ARMC1: variants seen among roughly 807,000 people sequenced by gnomAD.
The protein encoded by ARMC1 is armadillo repeat-containing protein 1.
ARMC1 carries 16 observed loss-of-function variants against 31.4 expected under a neutral mutation model. The observed-to-expected ratio is 0.51, with a 90% CI of 0.34 to 0.77. The LOEUF (loss-of-function observed/expected upper bound fraction) is 0.77. Ranked by LOEUF, ARMC1 falls within the 30% of genes least tolerant of loss-of-function variation. The pLI, the probability that ARMC1 is intolerant of heterozygous loss-of-function variation, is 0.01. For missense variants in ARMC1, 259 were observed against 347.5 expected, an observed-to-expected ratio of 0.75 and a Z score of 2.02; for synonymous variants, 114 against 118.9, an observed-to-expected ratio of 0.96 and a Z score of 0.27.
chr8:65,610,111 T>C (rs1808099787), intron 4 of ARMC1, among the ~76,000 whole-genome samples: 1 of 138,730 alleles, frequency 7.2e-6, no homozygotes, highest in African/African-American at 2.6e-5. Flanking sequence ...AATTTTTTTG[T>C]GTGTGTGACG....
At chr8:65,612,017 G>T (rs532919380) in intron 4 of ARMC1, among the ~76,000 whole-genome samples, 1 of 152,008 alleles carries the variant, frequency 6.6e-6, no homozygotes, top group Non-Finnish European at 1.5e-5. Flanking sequence ...TGATCCATCC[G>T]CCTTGGCCTC....
At position 65,615,873 on chromosome 8, in the gene ARMC1, C is replaced by A. The variant is rs565508982; in HGVS notation, c.276-2440G>T. ...TCATGCCATTGCACTCCAGCGTGGG[C>A]AACAAGAGCAAGACTCCGTCACAAA... is the stretch of plus-strand genomic sequence containing the variant. On this transcript the variant is annotated intron_variant, in intron 3 of 6. Coordinates refer to ENST00000276569, the MANE Select transcript of ARMC1 (RefSeq NM_018120.6). 6.6e-5 allele frequency among the ~76,000 whole-genome samples: 10 copies of A among 151,086 alleles called. No homozygotes were observed. The South Asian group carries it at 2.1e-3, about 32-fold the overall frequency.
At chr8:65,629,393 AG>A (rs1202224622) in intron 1 of ARMC1, among the ~76,000 whole-genome samples, 5 of 152,192 alleles carry the variant, frequency 3.3e-5, no homozygotes, top group Admixed American at 3.3e-4. Context: ...TGGTGGTAAA[AG>A]GCTGGCAGAT....
chr8:65,631,890 A>G (rs1563422610), intron 1 of ARMC1, among the ~76,000 whole-genome samples: 1 of 148,930 alleles, frequency 6.7e-6, no homozygotes, highest in Non-Finnish European at 1.5e-5. Flanking sequence ...TCTTAAAAAA[A>G]AAAAAAAAAA....
At chr8:65,613,152 T>C (rs1808178268) in intron 4 of ARMC1, 92 bp downstream of exon 4, 1 of 1,050,134 alleles carries the variant, frequency 9.5e-7, no homozygotes. Context: ...AAAATACTGA[T>C]ATCGAGATTT....
In ARMC1 at chr8:65,607,491, C is replaced by T. The variant is rs542591361; in HGVS notation, c.466-1953G>A. 2.0e-5 allele frequency among the ~76,000 whole-genome samples: 3 copies of T among 152,334 alleles called. No individual in the cohort carries two copies. The East Asian group carries it at 5.8e-4, about 29-fold the overall frequency. On this transcript the variant is annotated intron_variant, in intron 4 of 6. Transcript: ENST00000276569. ...ACAGTGAGAAACGAGATTCATAAGT[C>T]TAATTTATCTTTATTTTAACATAAA...
At chr8:65,617,075 G>C (rs1191016170) in intron 3 of ARMC1, among the ~76,000 whole-genome samples, 3 of 150,904 alleles carry the variant, frequency 2.0e-5, no homozygotes, top group Non-Finnish European at 4.4e-5. Flanking sequence ...GCCCCTTCTG[G>C]GAAGTGAGGA....
At chr8:65,632,312 G>A (rs1230440987) in intron 1 of ARMC1, among the ~76,000 whole-genome samples, 2 of 151,954 alleles carry the variant, frequency 1.3e-5, no homozygotes, top group African/African-American at 4.8e-5. Flanking sequence ...GATCACCTGA[G>A]CCTGGGAGCT....
chr8:65,625,317 C>T (rs1488147466), intron 2 of ARMC1, among the ~76,000 whole-genome samples: 1 of 152,162 alleles, frequency 6.6e-6, no homozygotes, highest in Non-Finnish European at 1.5e-5. Context: ...CTTAACCTGG[C>T]CAAGTAACAA....
At chr8:65,613,759 A>C (rs913068681) in intron 3 of ARMC1, among the ~76,000 whole-genome samples, 1 of 152,200 alleles carries the variant, frequency 6.6e-6, no homozygotes, top group African/African-American at 2.4e-5. Flanking sequence ...TGAGGTCAGG[A>C]GTTCAAGCCT....
intron 3 of ARMC1, among the ~76,000 whole-genome samples, chr8:65,617,568 C>T (rs142791146): frequency 6.6e-6 from 1 of 151,778 alleles, no homozygotes; most frequent in East Asian, 1.9e-4. Flanking sequence ...CTATTGTCCT[C>T]TGACCCTGCC....
At chr8:65,633,012 A>G (rs909926607) in intron 1 of ARMC1, 1 of 152,222 alleles carries the variant, frequency 6.6e-6, no homozygotes, top group Non-Finnish European at 1.5e-5. Context: ...TAAAAAGCAA[A>G]TGCTGATTCA....
intron 3 of ARMC1, among the ~76,000 whole-genome samples, chr8:65,614,849 G>A (rs11990855): frequency 0.13 from 19,225 of 152,116 alleles, 2,128 homozygotes; most frequent in East Asian, 0.52. Flanking sequence ...GGGTCAGCTT[G>A]ACCAACACCT....
chr8:65,631,849 TA>T (rs1808651288), intron 1 of ARMC1, among the ~76,000 whole-genome samples: 1 of 146,752 alleles, frequency 6.8e-6, no homozygotes, highest in Non-Finnish European at 1.5e-5. Context: ...GCCACTTTAC[TA>T]CAGCATGGAC....
At chr8:65,623,321 A>C in intron 2 of ARMC1, among the ~76,000 whole-genome samples, 1 of 134,596 alleles carries the variant, frequency 7.4e-6, no homozygotes, top group Non-Finnish European at 1.6e-5. Flanking sequence ...AAAAAAAAAA[A>C]AAATGCTGGG....
At chr8:65,608,048 A>T (rs865845348) in intron 4 of ARMC1, among the ~76,000 whole-genome samples, 4 of 152,202 alleles carry the variant, frequency 2.6e-5, no homozygotes, top group Non-Finnish European at 5.9e-5. Flanking sequence ...CTGGATTTTT[A>T]AAATATTTTT....
chr8:65,632,364 T>A (rs2129044798), intron 1 of ARMC1, among the ~76,000 whole-genome samples: 1 of 151,822 alleles, frequency 6.6e-6, no homozygotes, highest in Non-Finnish European at 1.5e-5. Flanking sequence ...ATAATAATAA[T>A]AAAATTTGGG....
intron 3 of ARMC1, among the ~76,000 whole-genome samples, chr8:65,616,712 A>C (rs150759017): frequency 0.65 from 94,533 of 145,420 alleles, 30,171 homozygotes; most frequent in African/African-American, 0.71. Flanking sequence ...GGCCACCCAT[A>C]GTCTGAGATG....
intron 2 of ARMC1, among the ~76,000 whole-genome samples, chr8:65,624,328 G>A (rs1210832785): frequency 6.6e-5 from 10 of 150,988 alleles, no homozygotes; most frequent in Non-Finnish European, 8.9e-5. Context: ...GCGAAACCCT[G>A]TCTCTACTAA....
Sources: allele counts gnomAD v4.1 joint callset (sites outside exome capture counted in the v4.1 genomes callset), GRCh38; gene constraint gnomAD v4.1.1; transcripts MANE v1.5; gene names NCBI Gene and HGNC (gene_info 2026-07-23, HGNC 2026-07-21).